Variants in GMDS observed in about 807,000 individuals in gnomAD.
GMDS encodes GDP-mannose 4,6-dehydratase.
GMDS carries 20 observed loss-of-function variants against 49.9 expected under a neutral mutation model. The ratio of observed to expected loss-of-function variants is 0.40; its 90% CI spans 0.28 to 0.58. The LOEUF is 0.58. Ranked by LOEUF, GMDS falls within the 20% of genes least tolerant of loss-of-function variation. GMDS has a pLI of 0.42. For synonymous variants in GMDS, 177 were observed against 178.6 expected, an observed-to-expected ratio of 0.99 and a Z score of 0.07; for missense variants, 362 against 481.4, an observed-to-expected ratio of 0.75 and a Z score of 2.32.
chr6:1,921,490 T>C (rs1182752794), intron 7 of GMDS, among the ~76,000 whole-genome samples: 1 of 152,208 alleles, frequency 6.6e-6, no homozygotes, highest in East Asian at 1.9e-4. Context: ...TCTACATTTT[T>C]CTTAACTTAT....
chr6:2,154,537 G>A (rs1023051194), intron 1 of GMDS, among the ~76,000 whole-genome samples: 2 of 152,072 alleles, frequency 1.3e-5, no homozygotes, highest in African/African-American at 4.8e-5. Flanking sequence ...AAGAAAGGCA[G>A]TGACCACAAG....
chr6:1,847,891 C>T (rs1048833904), intron 7 of GMDS, among the ~76,000 whole-genome samples: 13 of 152,018 alleles, frequency 8.6e-5, no homozygotes, highest in South Asian at 2.1e-4. Flanking sequence ...TACTGTCTAA[C>T]GGGAAGATCA....
At chr6:2,134,098 A>G (rs1581695760) in intron 1 of GMDS, among the ~76,000 whole-genome samples, 1 of 152,224 alleles carries the variant, frequency 6.6e-6, no homozygotes, top group Admixed American at 6.5e-5. Flanking sequence ...TGCCTCCTTC[A>G]TGCTTGTGCA....
chr6:1,933,748 T>C (rs919891859), intron 6 of GMDS, among the ~76,000 whole-genome samples: 2 of 152,236 alleles, frequency 1.3e-5, no homozygotes, highest in Admixed American at 1.3e-4. Context: ...TTGTAAGAAT[T>C]CTTTATACAT....
At position 2,102,503 on chromosome 6, in the gene GMDS, A is replaced by G. The variant is rs148158958; in HGVS notation, c.345+13268T>C. Among the ~76,000 whole-genome samples the G allele has an allele frequency of 9.9e-3, 1,509 of 152,286 alleles. 14 individuals carry two copies. Among genetic ancestry groups the G allele is most frequent in the Middle Eastern group, 0.017 (5 of 294 alleles). On this transcript the variant is annotated intron_variant, in intron 4 of 10. Coordinates refer to ENST00000380815, the MANE Select transcript of GMDS (RefSeq NM_001500.4). ...TTTTGAAACCAAGCAATTGAAGGAA[A>G]TGGTGTTGCAATACTGTCCGTTTAA...
intron 1 of GMDS, among the ~76,000 whole-genome samples, chr6:2,219,693 A>G (rs1189429225): frequency 6.6e-6 from 1 of 152,220 alleles, no homozygotes; most frequent in Non-Finnish European, 1.5e-5. Context: ...CACACCAGTT[A>G]AAAGACCACA....
At chr6:1,684,294 C>T (rs1281738110) in intron 9 of GMDS, among the ~76,000 whole-genome samples, 1 of 152,180 alleles carries the variant, frequency 6.6e-6, no homozygotes, top group Non-Finnish European at 1.5e-5. Context: ...TTGTGGAAAA[C>T]AGCCTGAGCC....
intron 1 of GMDS, among the ~76,000 whole-genome samples, chr6:2,127,085 T>C (rs1011247931): frequency 2.0e-5 from 3 of 152,192 alleles, no homozygotes; most frequent in African/African-American, 4.8e-5. Flanking sequence ...TGTCAGATAA[T>C]GACACTGACC....
At position 1,742,524 on chromosome 6, in the gene GMDS, G is replaced by A. The variant is rs780371399; in HGVS notation, c.834C>T (p.Val278=). Residue 278 remains valine (V), a synonymous_variant, in exon 8 of 11, where the codon GTC becomes GTT. Transcript: ENST00000380815. ...PEDFVIATGE[V]HSVREFVEKS... ...TCTCGACAAATTCCCGGACACTATG[G>A]ACCTCCCCAGTAGCTATAACGAAGT... The A allele has an allele frequency of 6.2e-7, 1 of 1,612,382 alleles. No individual in the cohort carries two copies. Among genetic ancestry groups the A allele is most frequent in the South Asian group, 1.1e-5 (1 of 91,042 alleles).
chr6:2,032,326 T>G (rs773856534), intron 4 of GMDS, among the ~76,000 whole-genome samples: 35 of 152,300 alleles, frequency 2.3e-4, no homozygotes, highest in Non-Finnish European at 4.9e-4. Flanking sequence ...AAATTTGTCT[T>G]TTATCTTCTT....
chr6:1,642,898 C>T (rs1337523455), intron 9 of GMDS, among the ~76,000 whole-genome samples: 1 of 152,130 alleles, frequency 6.6e-6, no homozygotes, highest in African/African-American at 2.4e-5. Context: ...CTTATGGAGT[C>T]CCCTTCCTCA....
At position 1,968,911 on chromosome 6, in the gene GMDS, T is replaced by TA. The variant is rs200103376; in HGVS notation, c.346-7946dup. Among the ~76,000 whole-genome samples the TA allele has an allele frequency of 7.0e-3, 1,064 of 151,964 alleles. 4 individuals are homozygous for TA. The highest frequency in any genetic ancestry group is 0.041 in the Middle Eastern group (12 of 294). Reference sequence around the variant, plus strand: ...TAAATCCCCAAGAATCATACAGAGGTAAAAATATATCTGTAATTTTAAAAC... The same window carrying TA: ...TAAATCCCCAAGAATCATACAGAGGTAAAAAATATATCTGTAATTTTAAAAC... On this transcript the variant is annotated intron_variant, in intron 4 of 10. Transcript: ENST00000380815.
chr6:2,233,725 G>A (rs1372280575), intron 1 of GMDS, among the ~76,000 whole-genome samples: 1 of 152,222 alleles, frequency 6.6e-6, no homozygotes, highest in East Asian at 1.9e-4. Flanking sequence ...GAGGCTGAGG[G>A]ATGAGACTCT....
At chr6:2,179,123 A>G (rs1403415172) in intron 1 of GMDS, among the ~76,000 whole-genome samples, 1 of 152,256 alleles carries the variant, frequency 6.6e-6, no homozygotes, top group Non-Finnish European at 1.5e-5. Flanking sequence ...TGAGCATCGT[A>G]AACACAGTAA....
intron 7 of GMDS, among the ~76,000 whole-genome samples, chr6:1,829,759 T>C (rs1479079553): frequency 6.6e-6 from 1 of 152,228 alleles, no homozygotes; most frequent in African/African-American, 2.4e-5. Flanking sequence ...AGTATTTTAA[T>C]GAATCTTCTT....
intron 9 of GMDS, among the ~76,000 whole-genome samples, chr6:1,669,339 C>T (rs1764340156): frequency 6.6e-6 from 1 of 151,876 alleles, no homozygotes; most frequent in African/African-American, 2.4e-5. Flanking sequence ...GGCTCCACTA[C>T]TCTGAGTCTA....
intron 4 of GMDS, among the ~76,000 whole-genome samples, chr6:2,087,751 C>G (rs1226351114): frequency 2.0e-5 from 3 of 152,070 alleles, no homozygotes; most frequent in Non-Finnish European, 4.4e-5. Context: ...TTTAGTTATC[C>G]CAAGACCTAA....
chr6:1,766,700 C>A lies in GMDS; in HGVS notation c.772-24114G>T, dbSNP rs548690240. On this transcript the variant is annotated intron_variant, in intron 7 of 10. Transcript: ENST00000380815. This position sits in a 1 kb window ranked among gnomAD's most constrained non-coding sequence, Gnocchi z 4.5. ...CCCGTTTCCCACAGACGGTTCCCAC[C>A]TGGGGATGTTGAACCAGTCTCACCA... Among the ~76,000 whole-genome samples, 1 of 152,270 alleles carries A rather than the reference C, an allele frequency of 6.6e-6. No individual in the cohort carries two copies. The highest frequency in any genetic ancestry group is 2.1e-4 in the South Asian group (1 of 4,824).
chr6:1,726,504 C>T lies in GMDS; in HGVS notation c.899G>A (p.Gly300Glu). 6.2e-7 allele frequency: 1 copy of T among 1,609,660 alleles called. No individual in the cohort carries two copies. The highest frequency in any genetic ancestry group is 8.5e-7 in the Non-Finnish European group (1 of 1,175,882). ...LHIGKTIVWE[G>E]KNENEVGRCK... is the part of the protein sequence containing the mutation. Reference sequence around the variant, plus strand: ...TCTGCCCACTTCATTTTCATTCTTTCCTTCCCACCTGTAAGGAAGATAAAC... The same window carrying T: ...TCTGCCCACTTCATTTTCATTCTTTTCTTCCCACCTGTAAGGAAGATAAAC... The change falls in exon 9 of 11, where the codon GGA (glycine) becomes GAA (glutamate). Residue 300 changes from glycine (G) to glutamate (E), a missense_variant. By Grantham distance (98) the Gly-to-Glu change is moderately conservative (BLOSUM62 -2). Coordinates refer to ENST00000380815, the MANE Select transcript of GMDS (RefSeq NM_001500.4).
Sources: gnomAD v4.1 joint callset for allele counts (sites outside exome capture counted in the v4.1 genomes callset) on GRCh38, gnomAD v4.1.1 for gene constraint, Gnocchi (gnomAD v3.1) non-coding constraint, MANE v1.5 for transcripts, NCBI Gene and HGNC (gene_info 2026-07-23, HGNC 2026-07-21) for gene names.